The following ABCC9 variants were observed in gnomAD, a reference collection of about 807,000 sequenced individuals.
ABCC9 encodes ATP binding cassette subfamily C member 9, also known as ATP-binding cassette sub-family C member 9.
ABCC9 carries 95 observed loss-of-function variants against 188.3 expected under a neutral mutation model. The observed-to-expected ratio is 0.50, with a 90% confidence interval of 0.43 to 0.60. The LOEUF (loss-of-function observed/expected upper bound fraction) is 0.60, where lower values mean the gene tolerates loss of function less well. Ranked by LOEUF, ABCC9 falls within the 20% of genes least tolerant of loss-of-function variation. The pLI, the probability that ABCC9 is intolerant of heterozygous loss-of-function variation, is 0.00. For missense variants in ABCC9, 1,102 were observed against 1,876.3 expected (o/e 0.59, Z 7.62); for synonymous variants, 659 against 652.7 (o/e 1.01, Z -0.15).
chr12:21,895,346 A>G (rs1229691253), intron 12 of ABCC9, 31 bp from the exon 13 acceptor site: 2 of 1,592,068 alleles, frequency 1.3e-6, no homozygotes, highest in Admixed American at 1.7e-5. Context: ...CATTAGTTTC[A>G]TTGAACTGTG....
chr12:21,879,828 C>T (rs1946536167), intron 16 of ABCC9, among the ~76,000 whole-genome samples: 1 of 151,616 alleles, frequency 6.6e-6, no homozygotes, highest in South Asian at 2.1e-4. Context: ...CTCTTTCCCC[C>T]AAGGGTCCAA....
intron 16 of ABCC9, among the ~76,000 whole-genome samples, chr12:21,876,075 A>G (rs1946330964): frequency 6.6e-6 from 1 of 152,168 alleles, no homozygotes; most frequent in South Asian, 2.1e-4. Context: ...AAAATAAAAT[A>G]AAAACTTGTA....
At position 21,882,781 on chromosome 12, in the gene ABCC9, C is replaced by A; in HGVS notation, c.2004G>T (p.Glu668Asp). The change falls in exon 16 of 40, where the codon GAG becomes GAT. Residue 668 changes from glutamate to aspartate, a missense_variant. This residue lies in a region of ABCC9 where 258 missense variants were observed against 325.6 expected (regional missense o/e 0.79). Coordinates refer to ENST00000261200, the MANE Select transcript of ABCC9 (RefSeq NM_020297.4). Reference sequence around the variant, plus strand: ...TAAAAATAACCTTTATTGCAATGTCCTCTGTTTCTGCGGGACGTAGACGCC... The same window carrying A: ...TAAAAATAACCTTTATTGCAATGTCATCTGTTTCTGCGGGACGTAGACGCC... ...STRRLRPAET[E>D]DIAIKVTNGY... 1 of 1,611,820 alleles carries A rather than the reference C, an allele frequency of 6.2e-7. No homozygotes were observed. Among genetic ancestry groups the A allele is most frequent in the Non-Finnish European group, 8.5e-7 (1 of 1,177,998 alleles).
rs776927430 is a variant in ABCC9 at position 21,859,585 on chromosome 12, CCAA to C, written c.2503_2505del (p.Leu835del). 2.5e-6 allele frequency: 4 copies of C among 1,613,576 alleles called. No individual in the cohort carries two copies. Among genetic ancestry groups the C allele is most frequent in the Non-Finnish European group, 1.7e-6 (2 of 1,179,554 alleles). On this transcript the variant is annotated inframe_deletion and splice_region_variant, in exon 22 of 40. Coordinates refer to ENST00000261200, the MANE Select transcript of ABCC9 (RefSeq NM_020297.4). Reference sequence around the variant, plus strand: ...AATAAAAGGGAAGGCCATATTCTTACCAAAAAGACAATGTTGGTGTTTTGATAC... The same window carrying C: ...AATAAAAGGGAAGGCCATATTCTTACAAAGACAATGTTGGTGTTTTGATAC...
intron 38 of ABCC9, 143 bp from the exon 39 acceptor site, chr12:21,806,203 TC>T: frequency 1.3e-6 from 1 of 744,768 alleles, no homozygotes. Context: ...GAAGGGGCAG[TC>T]CCCAGCAGCA....
intron 20 of ABCC9, among the ~76,000 whole-genome samples, chr12:21,861,991 G>A (rs954832197): frequency 1.3e-5 from 2 of 152,090 alleles, no homozygotes; most frequent in African/African-American, 2.4e-5. Flanking sequence ...GATGCTGGGG[G>A]AAATGGCAAT....
rs917118068 is a variant in ABCC9, at chr12:21,800,059, A to G, written c.*985T>C. 2.6e-5 allele frequency: 4 copies of G among 152,180 alleles called. No homozygotes were observed. The highest frequency in any genetic ancestry group is 1.9e-4 in the East Asian group (1 of 5,200). 9.4% of individuals were successfully genotyped at this position (152,180 alleles called of 1,614,324 possible). A position where few individuals can be genotyped will look rare whatever the true frequency, so the allele number is the denominator to read the frequency against. ...AAGAGGTAAACTCTTTCAGCTAGAAATAGACACTTGTTTTATATATATATA... is the reference window on the plus strand; with the variant it reads ...AAGAGGTAAACTCTTTCAGCTAGAAGTAGACACTTGTTTTATATATATATA... On this transcript the variant is annotated 3_prime_UTR_variant, in exon 40 of 40. Transcript: ENST00000261200.
At chr12:21,817,793 T>C (rs1942743901) in intron 32 of ABCC9, among the ~76,000 whole-genome samples, 1 of 152,172 alleles carries the variant, frequency 6.6e-6, no homozygotes, top group South Asian at 2.1e-4. Context: ...AGATGTAATC[T>C]TGTTATGAAT....
intron 3 of ABCC9, 145 bp downstream of exon 3, chr12:21,936,388 G>A: frequency 2.6e-6 from 2 of 769,162 alleles, no homozygotes; most frequent in Non-Finnish European, 4.1e-6. Flanking sequence ...ATATATGTTT[G>A]AAAAACACAA....
chr12:21,939,682 A>G (rs1396842276), intron 2 of ABCC9, among the ~76,000 whole-genome samples: 1 of 152,166 alleles, frequency 6.6e-6, no homozygotes, highest in African/African-American at 2.4e-5. Context: ...GGGAGATATA[A>G]TGTTTCCCTT....
At chr12:21,861,159 A>T (rs1033212443) in intron 20 of ABCC9, 104 bp from the exon 21 acceptor site, 24 of 922,132 alleles carry the variant, frequency 2.6e-5, no homozygotes, top group Non-Finnish European at 4.2e-5. Flanking sequence ...ACATTTGCTG[A>T]ATCACTTATT....
intron 10 of ABCC9, among the ~76,000 whole-genome samples, chr12:21,909,471 A>G (rs1388515527): frequency 1.3e-5 from 2 of 152,006 alleles, no homozygotes; most frequent in Non-Finnish European, 2.9e-5. Context: ...TCCAGTTTAT[A>G]CAGAGGAAAA....
chr12:21,922,206 TA>T (rs1948849494), intron 5 of ABCC9, among the ~76,000 whole-genome samples: 2 of 152,100 alleles, frequency 1.3e-5, no homozygotes, highest in Non-Finnish European at 2.9e-5. Flanking sequence ...GAATATGGAA[TA>T]TCTTTCCATT....
At chr12:21,801,891 G>A (rs1941456708) in intron 39 of ABCC9, among the ~76,000 whole-genome samples, 1 of 152,176 alleles carries the variant, frequency 6.6e-6, no homozygotes, top group Non-Finnish European at 1.5e-5. Context: ...TTATAGGGGA[G>A]ACCATTCACA....
chr12:21,923,771 G>T lies in ABCC9; in HGVS notation c.406+2171C>A, dbSNP rs918897275. 1.3e-5 allele frequency: 9 copies of T among 691,446 alleles called. No individual in the cohort carries two copies. In the East Asian group the frequency reaches 2.2e-4, roughly 17 times the overall value. The allele number at this position is 691,446 out of a possible 1,614,324, so 42.8% of individuals were successfully genotyped here. The stretch of plus-strand genomic sequence containing the variant: ...TATGACCCAGAGATTTCACTCTTAG[G>T]TATTTACCTAGGAGAAATAAATGCA... On this transcript the variant is annotated intron_variant, in intron 5 of 39. Coordinates refer to ENST00000261200, the MANE Select transcript of ABCC9 (RefSeq NM_020297.4).
At chr12:21,897,933 G>C (rs757747813) in intron 12 of ABCC9, among the ~76,000 whole-genome samples, 1 of 152,088 alleles carries the variant, frequency 6.6e-6, no homozygotes, top group Non-Finnish European at 1.5e-5. Context: ...CCCTTTAGTA[G>C]CTGGATGATT....
At chr12:21,920,366 A>G (rs1015053255) in intron 5 of ABCC9, among the ~76,000 whole-genome samples, 4 of 152,124 alleles carry the variant, frequency 2.6e-5, no homozygotes, top group African/African-American at 7.2e-5. Flanking sequence ...AGCAATAACT[A>G]AAAGTAATAA....
At chr12:21,916,896 C>A in intron 6 of ABCC9, 41 bp downstream of exon 6, 1 of 1,557,394 alleles carries the variant, frequency 6.4e-7, no homozygotes, top group Non-Finnish European at 8.7e-7. Context: ...ATATTGGGGT[C>A]TTGAATCCAA....
At chr12:21,882,234 C>A (rs900664031) in intron 16 of ABCC9, among the ~76,000 whole-genome samples, 1 of 152,064 alleles carries the variant, frequency 6.6e-6, no homozygotes, top group Non-Finnish European at 1.5e-5. Flanking sequence ...TCCTGCACAA[C>A]ACTGATTACT....
Sources: allele counts gnomAD v4.1 joint callset (sites outside exome capture counted in the v4.1 genomes callset), GRCh38; gene constraint gnomAD v4.1.1; regional missense constraint gnomAD v4.1.1; transcripts MANE v1.5; gene names NCBI Gene and HGNC (gene_info 2026-07-23, HGNC 2026-07-21).